The following VIPR2 variants were observed in gnomAD, a reference collection of about 807,000 sequenced individuals.
VIPR2 encodes the protein vasoactive intestinal polypeptide receptor 2.
VIPR2 carries 48 observed loss-of-function variants against 58.0 expected under a neutral mutation model. The observed-to-expected ratio is 0.83, with a 90% CI of 0.66 to 1.05. VIPR2 has a LOEUF of 1.05. Ranked by LOEUF, VIPR2 falls within the 50% of genes least tolerant of loss-of-function variation. The pLI is 0.00. For missense variants in VIPR2, 534 were observed against 558.0 expected, an observed-to-expected ratio of 0.96 and a Z score of 0.43; for synonymous variants, 243 against 235.2, an observed-to-expected ratio of 1.03 and a Z score of -0.30.
In VIPR2 at chr7:159,031,574, G is replaced by T. The variant is rs369502827; in HGVS notation, c.1143+254C>A. 263 of 985,420 alleles carry T rather than the reference G, an allele frequency of 2.7e-4. 5 individuals are homozygous for T. In the South Asian group the frequency reaches 0.011, roughly 41 times the overall value. The allele number at this position is 985,420 out of a possible 1,614,324, so 61.0% of individuals were successfully genotyped here. ...CCCGGCCGGGAGCTTTCCCGAGAGG[G>T]CTCCGAGACGGACGGCAGTCGATGC... is the stretch of plus-strand genomic sequence containing the variant. On this transcript the variant is annotated intron_variant, in intron 12 of 12. Coordinates refer to ENST00000262178, the MANE Select transcript of VIPR2 (RefSeq NM_003382.5). The surrounding 1 kb of genome is among the most constrained non-coding windows in gnomAD (Gnocchi z 4.0).
intron 4 of VIPR2, among the ~76,000 whole-genome samples, chr7:159,062,142 G>C (rs999316653): frequency 4.6e-5 from 7 of 152,180 alleles, no homozygotes; most frequent in Non-Finnish European, 8.8e-5. Flanking sequence ...GGGACTTGAT[G>C]GGGGGCCCGC....
intron 4 of VIPR2, among the ~76,000 whole-genome samples, chr7:159,071,411 A>G (rs984688024): frequency 5.3e-5 from 8 of 152,104 alleles, no homozygotes; most frequent in African/African-American, 1.7e-4. Context: ...GCCTGTCCCC[A>G]TTTGGGGCCT....
intron 4 of VIPR2, among the ~76,000 whole-genome samples, chr7:159,090,635 C>A (rs1308250952): frequency 4.6e-5 from 6 of 131,792 alleles, no homozygotes; most frequent in African/African-American, 1.3e-4. Context: ...GAGGCCACCT[C>A]TTATGACCAT....
At chr7:159,107,405 T>A (rs1016768829) in intron 3 of VIPR2, among the ~76,000 whole-genome samples, 9 of 152,106 alleles carry the variant, frequency 5.9e-5, no homozygotes, top group Non-Finnish European at 1.3e-4. Flanking sequence ...CAGTGATGAG[T>A]CCTCGTGCCT....
intron 7 of VIPR2, 32 bp downstream of exon 7, chr7:159,036,720 G>C (rs745644799): frequency 6.3e-7 from 1 of 1,598,022 alleles, no homozygotes; most frequent in Non-Finnish European, 8.6e-7. Flanking sequence ...GGATGGGATG[G>C]AGGGTTTGTG....
rs1052451930 is a variant in VIPR2, at chr7:159,128,032, C to T, written c.151+14414G>A. Among the ~76,000 whole-genome samples the T allele has an allele frequency of 6.6e-6, 1 of 152,168 alleles. No homozygotes were observed. The highest frequency in any genetic ancestry group is 1.5e-5 in the Non-Finnish European group (1 of 68,022). Reference sequence around the variant, plus strand: ...CACAGCGCCAGGACAAACCACCGCTCCCCCCACCTTGCAGCAGGGCCTGAC... The same window carrying T: ...CACAGCGCCAGGACAAACCACCGCTTCCCCCACCTTGCAGCAGGGCCTGAC... On this transcript the variant is annotated intron_variant, in intron 2 of 12. Transcript: ENST00000262178. The surrounding 1 kb of genome is among the most constrained non-coding windows in gnomAD (Gnocchi z 4.1).
intron 2 of VIPR2, among the ~76,000 whole-genome samples, chr7:159,112,128 T>A (rs1364583675): frequency 6.6e-6 from 1 of 152,274 alleles, no homozygotes; most frequent in African/African-American, 2.4e-5. Flanking sequence ...TCAACAGAGA[T>A]ACTAAATTCA....
chr7:159,064,807 ACCCT>A (rs569783297), intron 4 of VIPR2, among the ~76,000 whole-genome samples: 85 of 152,014 alleles, frequency 5.6e-4, no homozygotes, highest in Non-Finnish European at 1.1e-3. Flanking sequence ...TGGGGCACCG[ACCCT>A]CCCTCCTTCA....
At chr7:159,034,125 A>G in intron 10 of VIPR2, 88 bp downstream of exon 10, 2 of 1,358,438 alleles carry the variant, frequency 1.5e-6, no homozygotes, top group Non-Finnish European at 2.1e-6. Flanking sequence ...GAGTCGCCGC[A>G]CCTCCAGGGC....
chr7:159,084,974 G>A (rs551407801), intron 4 of VIPR2, among the ~76,000 whole-genome samples: 48 of 152,328 alleles, frequency 3.2e-4, no homozygotes, highest in South Asian at 6.2e-4. Flanking sequence ...TTCTAAAAAC[G>A]GAGGTGCTGT....
intron 4 of VIPR2, among the ~76,000 whole-genome samples, chr7:159,061,403 T>C (rs1430460999): frequency 2.0e-5 from 3 of 150,790 alleles, no homozygotes; most frequent in African/African-American, 4.9e-5. Flanking sequence ...TCCCAGCACT[T>C]TGGGAAGCCG....
intron 9 of VIPR2, 87 bp from the exon 10 acceptor site, chr7:159,034,391 C>A (rs1184425905): frequency 1.3e-5 from 18 of 1,395,704 alleles, no homozygotes; most frequent in African/African-American, 2.9e-5. Context: ...CTCCCCTCCG[C>A]TCCCTCAGTC....
At position 159,085,689 on chromosome 7, in the gene VIPR2, A is replaced by G. The variant is rs573923626; in HGVS notation, c.357+18068T>C. 1.2e-3 allele frequency among the ~76,000 whole-genome samples: 189 copies of G among 151,700 alleles called. 3 individuals are homozygous for G. Among genetic ancestry groups the G allele is most frequent in the African/African-American group, 4.3e-3 (176 of 41,296 alleles). On this transcript the variant is annotated intron_variant, in intron 4 of 12. Coordinates refer to ENST00000262178, the MANE Select transcript of VIPR2 (RefSeq NM_003382.5). ...TCACTGGAGGAAGTCTCCCACCACA[A>G]GAATCCAGGGTTACTCTTTTGTTTC...
At chr7:159,047,296 A>T (rs920188527) in intron 5 of VIPR2, among the ~76,000 whole-genome samples, 3 of 152,232 alleles carry the variant, frequency 2.0e-5, no homozygotes, top group African/African-American at 7.2e-5. Context: ...AAACTTGAAA[A>T]GTTGCAAGTA....
chr7:159,123,735 C>T (rs1796555385), intron 2 of VIPR2, among the ~76,000 whole-genome samples: 2 of 152,086 alleles, frequency 1.3e-5, no homozygotes, highest in South Asian at 2.1e-4. Flanking sequence ...TGCCAGTCTT[C>T]CACAATGGTT....
Position 159,059,265 on chromosome 7 carries a change from C to T in VIPR2, c.358-687G>A, listed in dbSNP as rs762889396. On this transcript the variant is annotated intron_variant, in intron 4 of 12. Transcript: ENST00000262178. ...CTAGAAGGAAAACCAGTGCCTGTTG[C>T]GATAAAAACCAGCAACACCTGCAGG... 2.0e-4 allele frequency: 94 copies of T among 470,900 alleles called. 1 individual carries two copies. The highest frequency in any genetic ancestry group is 7.0e-4 in the South Asian group (45 of 64,562). The allele number at this position is 470,900 out of a possible 1,614,324, so 29.2% of individuals were successfully genotyped here.
chr7:159,135,007 T>TC (rs1563357281), intron 2 of VIPR2, among the ~76,000 whole-genome samples: 2 of 118,576 alleles, frequency 1.7e-5, no homozygotes, highest in East Asian at 2.2e-4. Context: ...TACAAAAGTT[T>TC]TTTTTTTTTT....
chr7:159,034,816 GTT>G (rs1483249102), intron 8 of VIPR2, among the ~76,000 whole-genome samples, 166 bp from the exon 9 acceptor site: 2 of 152,180 alleles, frequency 1.3e-5, no homozygotes, highest in African/African-American at 4.8e-5. Flanking sequence ...GAGTGATTGT[GTT>G]TTGTTTCATG....
At chr7:159,034,067 G>GA (rs1853754250) in intron 10 of VIPR2, 146 bp downstream of exon 10, 2 of 710,512 alleles carry the variant, frequency 2.8e-6, no homozygotes, top group Non-Finnish European at 2.3e-6. Context: ...CCTTGGGCAG[G>GA]AGCAGAGCCC....
Sources: allele counts gnomAD v4.1 joint callset (sites outside exome capture counted in the v4.1 genomes callset), GRCh38; gene constraint gnomAD v4.1.1; non-coding constraint Gnocchi (gnomAD v3.1); transcripts MANE v1.5; gene names NCBI Gene and HGNC (gene_info 2026-07-23, HGNC 2026-07-21).